PRP4K: variants seen among roughly 807,000 people sequenced by gnomAD.
PRP4K encodes the protein serine/threonine-protein kinase PRP4 homolog.
the PRP4K span, among the ~76,000 whole-genome samples, chr6:4,029,546 T>G: frequency 6.6e-6 from 1 of 151,498 alleles, no homozygotes; most frequent in Non-Finnish European, 1.5e-5. Flanking sequence ...AAAGATGAGG[T>G]CTCACTCTGT....
At chr6:4,046,905 A>G in the PRP4K span, among the ~76,000 whole-genome samples, 1 of 152,018 alleles carries the variant, frequency 6.6e-6, no homozygotes, top group Admixed American at 6.6e-5. Context: ...TGTTCCACCC[A>G]CCTCAGCCTC....
chr6:4,048,362 A>G, the PRP4K span, among the ~76,000 whole-genome samples: 5 of 147,570 alleles, frequency 3.4e-5, no homozygotes, highest in Non-Finnish European at 6.0e-5. Context: ...CTGGGCGACA[A>G]AGCAAGACTC....
chr6:4,022,737 C>T, the PRP4K span, among the ~76,000 whole-genome samples: 1 of 152,184 alleles, frequency 6.6e-6, no homozygotes, highest in African/African-American at 2.4e-5. Flanking sequence ...CAAATGGATT[C>T]TGAAGTTTTA....
At chr6:4,029,539 G>T in the PRP4K span, among the ~76,000 whole-genome samples, 4 of 151,604 alleles carry the variant, frequency 2.6e-5, no homozygotes, top group African/African-American at 9.7e-5. Flanking sequence ...TTTTAATAAA[G>T]ATGAGGTCTC....
the PRP4K span, chr6:4,056,473 T>C: frequency 1.9e-6 from 3 of 1,612,398 alleles, no homozygotes; most frequent in African/African-American, 1.3e-5. Context: ...GGCCATCATA[T>C]GTGGTGGAAA....
At chr6:4,049,162 T>C in the PRP4K span, 1 of 1,400,688 alleles carries the variant, frequency 7.1e-7, no homozygotes, top group Non-Finnish European at 9.9e-7. Flanking sequence ...TGCAAAAGCA[T>C]GCTGCTTGAT....
the PRP4K span, among the ~76,000 whole-genome samples, chr6:4,027,388 C>T: frequency 9.2e-5 from 14 of 152,214 alleles, no homozygotes; most frequent in Admixed American, 5.9e-4. Context: ...GAAACCGAGG[C>T]ACAGAAGAGC....
chr6:4,022,600 A>G, the PRP4K span, among the ~76,000 whole-genome samples: 1 of 152,140 alleles, frequency 6.6e-6, no homozygotes, highest in African/African-American at 2.4e-5. Context: ...CTGACACTTA[A>G]TTGCTGTGCA....
At chr6:4,052,946 A>G in the PRP4K span, 1 of 1,336,416 alleles carries the variant, frequency 7.5e-7, no homozygotes, top group Non-Finnish European at 1.0e-6. Flanking sequence ...TAATATTATT[A>G]CTATGAGAAA....
chr6:4,043,490 A>G, the PRP4K span, among the ~76,000 whole-genome samples: 4 of 152,098 alleles, frequency 2.6e-5, no homozygotes, highest in African/African-American at 9.7e-5. Context: ...CCCATAATCA[A>G]ACACGTTAAT....
chr6:4,022,797 A>G, the PRP4K span, among the ~76,000 whole-genome samples: 5 of 152,212 alleles, frequency 3.3e-5, no homozygotes, highest in African/African-American at 1.2e-4. Context: ...TGTGTGGCAC[A>G]ATTACAGTGT....
chr6:4,060,730 A>G, the PRP4K span: 16 of 973,092 alleles, frequency 1.6e-5, no homozygotes, highest in Middle Eastern at 3.1e-4. The surrounding 1 kb of genome is among the most constrained non-coding windows in gnomAD (Gnocchi z 4.7). Flanking sequence ...TTGAGGAAGC[A>G]TGATATATTT....
chr6:4,030,636 AT>A, the PRP4K span, among the ~76,000 whole-genome samples: 1 of 152,224 alleles, frequency 6.6e-6, no homozygotes, highest in African/African-American at 2.4e-5. Flanking sequence ...TAAGCACAGA[AT>A]CCCCCACTTT....
chr6:4,048,903 G>T, the PRP4K span: 1 of 616,160 alleles, frequency 1.6e-6, no homozygotes. Flanking sequence ...ATTTAATTTG[G>T]AATAAAATGC....
chr6:4,027,614 G>A, the PRP4K span, among the ~76,000 whole-genome samples: 1 of 114,096 alleles, frequency 8.8e-6, no homozygotes, highest in African/African-American at 3.1e-5. Flanking sequence ...GGGGTGGGGT[G>A]GGGGTTGGTC....
chr6:4,042,628 A>T, the PRP4K span: 1 of 1,315,802 alleles, frequency 7.6e-7, no homozygotes. Flanking sequence ...TGCTTTAACA[A>T]AAATGTAGCA....
At chr6:4,037,435 G>C in the PRP4K span, 1 of 1,613,904 alleles carries the variant, frequency 6.2e-7, no homozygotes, top group Non-Finnish European at 8.5e-7. Flanking sequence ...AGACGTGAAA[G>C]ATCAAAAGAT....
the PRP4K span, among the ~76,000 whole-genome samples, chr6:4,045,449 G>A: frequency 6.6e-6 from 1 of 152,270 alleles, no homozygotes; most frequent in Non-Finnish European, 1.5e-5. Context: ...CATTTAATAG[G>A]AAATGCCATT....
At chr6:4,036,022 GACAA>G in the PRP4K span, among the ~76,000 whole-genome samples, 105,974 of 151,466 alleles carry the variant, frequency 0.7, 37,137 homozygotes, top group East Asian at 0.77. Context: ...TGATTATGGA[GACAA>G]ACCTATTTAC....
Sources: allele counts gnomAD v4.1 joint callset (sites outside exome capture counted in the v4.1 genomes callset), GRCh38; gene constraint gnomAD v4.1.1; non-coding constraint Gnocchi (gnomAD v3.1); transcripts MANE v1.5; gene names NCBI Gene and HGNC (gene_info 2026-07-23, HGNC 2026-07-21).